The following PCDH9 variants were observed in gnomAD, a reference collection of about 807,000 sequenced individuals.
PCDH9 encodes the protein protocadherin-9.
Under a neutral mutation model 70.6 loss-of-function variants are expected in PCDH9, and 24 were observed. The observed-to-expected ratio is 0.34, with a 90% CI of 0.25 to 0.48. PCDH9 has a LOEUF of 0.48. PCDH9 is among the 20% of genes least tolerant of loss of function. The pLI is 0.99. For synonymous variants in PCDH9, 562 were observed against 558.5 expected (o/e 1.01, Z -0.09); for missense variants, 1,281 against 1,503.6 (o/e 0.85, Z 2.45).
chr13:66,702,958 C>T (rs1229501347), intron 3 of PCDH9, among the ~76,000 whole-genome samples: 1 of 151,930 alleles, frequency 6.6e-6, no homozygotes, highest in African/African-American at 2.4e-5. Context: ...ACACAAAATG[C>T]CAAAAATATA....
chr13:66,999,370 T>A (rs548960977), intron 2 of PCDH9, among the ~76,000 whole-genome samples: 10 of 152,318 alleles, frequency 6.6e-5, no homozygotes, highest in Admixed American at 6.5e-4. Flanking sequence ...AACCCAATTA[T>A]AGTTCTAAGG....
At chr13:67,122,828 C>A (rs2086903520) in intron 2 of PCDH9, among the ~76,000 whole-genome samples, 1 of 150,998 alleles carries the variant, frequency 6.6e-6, no homozygotes, top group African/African-American at 2.4e-5. Context: ...TAGCTCAAGG[C>A]AACTTTATCA....
intron 4 of PCDH9, among the ~76,000 whole-genome samples, chr13:66,502,847 G>A (rs1959183919): frequency 6.6e-6 from 1 of 152,030 alleles, no homozygotes; most frequent in Non-Finnish European, 1.5e-5. Context: ...TGTTCTTATG[G>A]CTTGTTGAAT....
chr13:67,160,657 T>C (rs1307327234), intron 2 of PCDH9, among the ~76,000 whole-genome samples: 2 of 152,200 alleles, frequency 1.3e-5, no homozygotes, highest in African/African-American at 2.4e-5. Context: ...CTTCACACCA[T>C]TGTGTTTTTA....
At chr13:67,133,822 T>C (rs2087165891) in intron 2 of PCDH9, among the ~76,000 whole-genome samples, 1 of 152,108 alleles carries the variant, frequency 6.6e-6, no homozygotes, top group African/African-American at 2.4e-5. Context: ...TCAAAATCAA[T>C]GTTAGAATGA....
rs569070706 is a variant in PCDH9 at position 66,528,500 on chromosome 13, T to C, written c.3340+102710A>G. Among the ~76,000 whole-genome samples the C allele has an allele frequency of 2.0e-5, 3 of 152,270 alleles. No homozygotes were observed. The South Asian group carries it at 6.2e-4, about 32-fold the overall frequency. On this transcript the variant is annotated intron_variant, in intron 4 of 4. Coordinates refer to ENST00000377865, the MANE Select transcript of PCDH9 (RefSeq NM_203487.3). ...AAGTGTAATTTTCAGCAGTACAGTA[T>C]CAACTACTAAACTACACATAAAATG...
intron 3 of PCDH9, among the ~76,000 whole-genome samples, chr13:66,858,333 T>C (rs1207257366): frequency 6.6e-6 from 1 of 152,172 alleles, no homozygotes; most frequent in Non-Finnish European, 1.5e-5. Flanking sequence ...CTTATAAACT[T>C]TGCTTAAATT....
chr13:66,683,707 T>G (rs1211369091), intron 3 of PCDH9, among the ~76,000 whole-genome samples: 1 of 152,164 alleles, frequency 6.6e-6, no homozygotes, highest in Non-Finnish European at 1.5e-5. Flanking sequence ...AAATTGTAGA[T>G]CACAGGTTTT....
chr13:66,880,367 C>A lies in PCDH9; in HGVS notation c.3138+23137G>T, dbSNP rs1039384679. 2.0e-5 allele frequency among the ~76,000 whole-genome samples: 3 copies of A among 152,102 alleles called. No homozygotes were observed. In the South Asian group the frequency reaches 6.2e-4, roughly 31 times the overall value. On this transcript the variant is annotated intron_variant, in intron 3 of 4. Transcript: ENST00000377865. ...CATCATCATTTGTGAATAGCAACAACTTCAAAATAGATGAGAATTGATGAG... is the reference window on the plus strand; with the variant it reads ...CATCATCATTTGTGAATAGCAACAAATTCAAAATAGATGAGAATTGATGAG...
intron 4 of PCDH9, among the ~76,000 whole-genome samples, chr13:66,577,388 T>C: frequency 1.3e-5 from 2 of 152,036 alleles, no homozygotes; most frequent in South Asian, 4.2e-4. Flanking sequence ...AAGTGAATAA[T>C]AAGAGCATTT....
rs571649951 is a variant in PCDH9, at chr13:67,229,833, T to G, written c.-189A>C. On this transcript the variant is annotated 5_prime_UTR_variant, in exon 1 of 5. Coordinates refer to ENST00000377865, the MANE Select transcript of PCDH9 (RefSeq NM_203487.3). ...CAGTATGCTGCAGTTAGGAATGATT[T>G]GTTCCAACACATAGAAAGCCATGCA... 1 of 152,380 alleles carries G rather than the reference T, an allele frequency of 6.6e-6. No individual in the cohort carries two copies. The highest frequency in any genetic ancestry group is 6.5e-5 in the Admixed American group (1 of 15,304). The allele number at this position is 152,380 out of a possible 1,614,324, so 9.4% of individuals were successfully genotyped here.
chr13:66,407,369 T>G (rs943508620), intron 4 of PCDH9, among the ~76,000 whole-genome samples: 16 of 152,210 alleles, frequency 1.1e-4, no homozygotes, highest in Non-Finnish European at 1.9e-4. Flanking sequence ...GGGACACAGG[T>G]TTGGACTCAC....
chr13:66,320,532 C>T (rs973303714), intron 4 of PCDH9, among the ~76,000 whole-genome samples: 9 of 151,926 alleles, frequency 5.9e-5, no homozygotes, highest in Non-Finnish European at 7.4e-5. Flanking sequence ...CAATTGGCTT[C>T]GGTTCAAAAT....
chr13:66,426,864 T>G (rs1329936651), intron 4 of PCDH9, among the ~76,000 whole-genome samples: 1 of 151,578 alleles, frequency 6.6e-6, no homozygotes, highest in East Asian at 1.9e-4. Context: ...AAAAACAACT[T>G]TTAACATGTT....
At chr13:66,429,336 C>T (rs1360472061) in intron 4 of PCDH9, among the ~76,000 whole-genome samples, 1 of 150,966 alleles carries the variant, frequency 6.6e-6, no homozygotes, top group East Asian at 1.9e-4. Context: ...AGCAGTATAA[C>T]TAGGAGGAGA....
chr13:67,025,815 C>A (rs900530218), intron 2 of PCDH9, among the ~76,000 whole-genome samples: 1 of 151,898 alleles, frequency 6.6e-6, no homozygotes, highest in African/African-American at 2.4e-5. Context: ...TCAGTTTTAC[C>A]TTAATAAATC....
At chr13:66,347,167 G>A (rs561637306) in intron 4 of PCDH9, among the ~76,000 whole-genome samples, 1 of 152,078 alleles carries the variant, frequency 6.6e-6, no homozygotes. Flanking sequence ...TGTCTCCAAA[G>A]AAAAATATAT....
intron 4 of PCDH9, among the ~76,000 whole-genome samples, chr13:66,384,976 G>C (rs568254028): frequency 5.3e-5 from 8 of 151,990 alleles, no homozygotes; most frequent in Admixed American, 1.3e-4. Context: ...GCCCATATCT[G>C]CCACTTTATA....
intron 2 of PCDH9, among the ~76,000 whole-genome samples, chr13:67,019,544 A>C (rs1350514363): frequency 2.0e-5 from 3 of 152,126 alleles, no homozygotes; most frequent in African/African-American, 7.2e-5. Flanking sequence ...CATATCCTAC[A>C]TATTACAATC....
Sources: gnomAD v4.1 joint callset for allele counts (sites outside exome capture counted in the v4.1 genomes callset) on GRCh38, gnomAD v4.1.1 for gene constraint, MANE v1.5 for transcripts, NCBI Gene and HGNC (gene_info 2026-07-23, HGNC 2026-07-21) for gene names.